The following ORC1 variants were observed in gnomAD, a reference collection of about 807,000 sequenced individuals.
The protein encoded by ORC1 is origin recognition complex subunit 1.
In ORC1, 61 loss-of-function variants were observed where a neutral mutation model predicts 98.9. The observed-to-expected ratio is 0.62, with a 90% CI of 0.50 to 0.76. The LOEUF (loss-of-function observed/expected upper bound fraction) is 0.76. Ranked by LOEUF, ORC1 falls within the 30% of genes least tolerant of loss-of-function variation. The pLI is 0.00. For missense variants in ORC1, 979 were observed against 1,072.2 expected (o/e 0.91, Z 1.21); for synonymous variants, 385 against 406.9 (o/e 0.95, Z 0.65).
intron 3 of ORC1, among the ~76,000 whole-genome samples, chr1:52,398,267 A>ATT (rs78607222): frequency 1.1e-5 from 1 of 89,820 alleles, no homozygotes; most frequent in Admixed American, 1.2e-4. Flanking sequence ...TCCCGCCAAA[A>ATT]TTTTTTTTTT....
intron 8 of ORC1, among the ~76,000 whole-genome samples, chr1:52,387,168 G>A (rs555204889): frequency 6.6e-6 from 1 of 152,228 alleles, no homozygotes; most frequent in East Asian, 1.9e-4. Context: ...ACAGCAGGAG[G>A]TGAGTGGTGG....
intron 9 of ORC1, among the ~76,000 whole-genome samples, chr1:52,385,499 T>C (rs941986102): frequency 3.3e-5 from 5 of 152,168 alleles, no homozygotes; most frequent in African/African-American, 1.2e-4. Context: ...GAGATTCAGA[T>C]TTTGCTTGAT....
At chr1:52,374,026 C>A (rs1646965793) in intron 16 of ORC1, among the ~76,000 whole-genome samples, 1 of 152,194 alleles carries the variant, frequency 6.6e-6, no homozygotes, top group South Asian at 2.1e-4. Context: ...AGCCCCAAGA[C>A]TGGGAGTTTG....
At position 52,396,347 on chromosome 1, in the gene ORC1, T is replaced by A; in HGVS notation, c.420A>T (p.Pro140=). ...TCAGATTCGTCGGTACCACATCCTT[T>A]GGGGCTAAAGGTATCACCTGAATTT... ...IGLVRVIPLA[P]KDVVPTNLKN... The change falls in exon 5 of 17, where the codon CCA becomes CCT. Residue 140 remains proline (P), a synonymous_variant. Transcript: ENST00000371568. 1 of 1,614,186 alleles carries A rather than the reference T, an allele frequency of 6.2e-7. No homozygotes were observed. Among genetic ancestry groups the A allele is most frequent in the Non-Finnish European group, 8.5e-7 (1 of 1,180,030 alleles).
intron 3 of ORC1, among the ~76,000 whole-genome samples, chr1:52,398,091 G>C (rs1647506443): frequency 6.6e-6 from 1 of 151,822 alleles, no homozygotes; most frequent in South Asian, 2.1e-4. Flanking sequence ...AGCCTCCTGA[G>C]TAGCTGAGAT....
chr1:52,405,552 A>C (rs983349495), upstream of ORC1: 3 of 790,338 alleles, frequency 3.8e-6, no homozygotes, highest in African/African-American at 5.2e-5. Flanking sequence ...TACTGTTATT[A>C]ATACACATTC....
At chr1:52,407,023 C>G (rs114994543), upstream of ORC1, among the ~76,000 whole-genome samples, 2,038 of 151,946 alleles carry the variant, frequency 0.013, 47 homozygotes, top group African/African-American at 0.047. Flanking sequence ...AGGAACAACT[C>G]TTTTTTTTGT....
rs1232054591 is a variant in ORC1 at position 52,373,241 on chromosome 1, G to A, written c.2526C>T (p.Leu842=). 3 of 1,614,090 alleles carry A rather than the reference G, an allele frequency of 1.9e-6. No homozygotes were observed. The highest frequency in any genetic ancestry group is 2.7e-5 in the African/African-American group (2 of 74,944). ...GGCTGACGTTGAGCCGCACCCGAAG[G>A]AGCAGATCGTTCCTGCTGGGCTCCA... is the stretch of plus-strand genomic sequence containing the variant. The part of the protein sequence containing the change: ...LLVEPSRNDL[L]LRVRLNVSQD... The change falls in exon 17 of 17, where the codon CTC becomes CTT. Residue 842 remains leucine (L), a synonymous_variant. Coordinates refer to ENST00000371568, the MANE Select transcript of ORC1 (RefSeq NM_004153.4).
At chr1:52,387,160 A>G (rs1036583392) in intron 8 of ORC1, among the ~76,000 whole-genome samples, 2 of 152,164 alleles carry the variant, frequency 1.3e-5, no homozygotes, top group African/African-American at 2.4e-5. Context: ...ACCAGGACAC[A>G]GCAGGAGGTG....
upstream of ORC1, chr1:52,404,910 C>T (rs1159996688): frequency 3.7e-6 from 6 of 1,610,216 alleles, no homozygotes; most frequent in Middle Eastern, 1.7e-4. Flanking sequence ...CGCCTCTCAG[C>T]CCCCTTGTGG....
intron 5 of ORC1, among the ~76,000 whole-genome samples, chr1:52,395,452 G>T (rs532244212): frequency 6.6e-6 from 1 of 152,060 alleles, no homozygotes; most frequent in African/African-American, 2.4e-5. Flanking sequence ...GTTTTGACTC[G>T]AATTATATTA....
rs769740684 is a variant in ORC1 at position 52,383,870 on chromosome 1, CG to C, written c.1822del (p.Arg608GlufsTer25). The part of the protein sequence containing the change: ...AELLAKQFCT[R>X]GSPQETTVLL... ...GACGGTGGTTTCCTGAGGTGACCCT[CG>C]GGTGCAGAATTGCTTTGCCAGCAGT... On this transcript the variant is annotated frameshift_variant, in exon 12 of 17. Coordinates refer to ENST00000371568, the MANE Select transcript of ORC1 (RefSeq NM_004153.4). LOFTEE classifies it high-confidence loss of function. 3.7e-6 allele frequency: 6 copies of C among 1,614,000 alleles called. No individual in the cohort carries two copies. The African/African-American group carries it at 6.7e-5, about 18-fold the overall frequency.
Position 52,373,024 on chromosome 1 carries a change from T to A in ORC1, c.*157A>T, listed in dbSNP as rs1232137109. 1.8e-5 allele frequency: 14 copies of A among 793,472 alleles called. No homozygotes were observed. Among genetic ancestry groups the A allele is most frequent in the East Asian group, 1.5e-4 (6 of 39,844 alleles). The allele number at this position is 793,472 out of a possible 1,614,324, so 49.2% of individuals were successfully genotyped here. On this transcript the variant is annotated 3_prime_UTR_variant, in exon 17 of 17. Coordinates refer to ENST00000371568, the MANE Select transcript of ORC1 (RefSeq NM_004153.4). The stretch of plus-strand genomic sequence containing the variant: ...GCATGTGCCTGTAGTTTCAGCCACC[T>A]GGGAGGATGAGGTTGGGGGGTCACC...
chr1:52,400,497 T>C (rs552777302), intron 3 of ORC1, among the ~76,000 whole-genome samples: 126 of 152,366 alleles, frequency 8.3e-4, no homozygotes, highest in Non-Finnish European at 1.3e-3. Flanking sequence ...AGGGGGACTA[T>C]AGTAATATAA....
chr1:52,385,459 C>T (rs1452788423), intron 9 of ORC1, among the ~76,000 whole-genome samples, 197 bp from the exon 10 acceptor site: 1 of 152,182 alleles, frequency 6.6e-6, no homozygotes, highest in Non-Finnish European at 1.5e-5. Context: ...TTTCTCCACC[C>T]AAATCACATG....
Position 52,401,425 on chromosome 1 carries a change from A to G in ORC1, c.160T>C (p.Leu54=), listed in dbSNP as rs1162697269. ...TTTTCATCATCATCCCCTTCAATCA[A>G]CACAAACTGTCCAATCTGGATGTGA... ...EIHIQIGQFV[L]IEGDDDENPY... Residue 54 remains leucine (L), a synonymous_variant, in exon 3 of 17, where the codon TTG becomes CTG. Coordinates refer to ENST00000371568, the MANE Select transcript of ORC1 (RefSeq NM_004153.4). 6.2e-7 allele frequency: 1 copy of G among 1,613,736 alleles called. No homozygotes were observed. The highest frequency in any genetic ancestry group is 8.5e-7 in the Non-Finnish European group (1 of 1,179,918).
At chr1:52,399,341 T>C (rs1005354593) in intron 3 of ORC1, among the ~76,000 whole-genome samples, 9 of 151,930 alleles carry the variant, frequency 5.9e-5, no homozygotes, top group Non-Finnish European at 1.3e-4. Context: ...ATACAAAAAA[T>C]TGTCCAGGTG....
intron 14 of ORC1, among the ~76,000 whole-genome samples, chr1:52,379,542 C>T (rs868674737): frequency 2.0e-5 from 3 of 151,840 alleles, no homozygotes; most frequent in African/African-American, 4.8e-5. Flanking sequence ...CGCACCCAGC[C>T]AAAAGTAGAG....
chr1:52,382,032 G>A (rs1033873862), intron 13 of ORC1, among the ~76,000 whole-genome samples: 2 of 152,008 alleles, frequency 1.3e-5, no homozygotes, highest in Non-Finnish European at 2.9e-5. Flanking sequence ...AGGCTACCGT[G>A]CAGTGGCATG....
Sources: gnomAD v4.1 joint callset for allele counts (sites outside exome capture counted in the v4.1 genomes callset) on GRCh38, gnomAD v4.1.1 for gene constraint, MANE v1.5 for transcripts, NCBI Gene and HGNC (gene_info 2026-07-23, HGNC 2026-07-21) for gene names.